The following ENOX2 variants were observed in gnomAD, a reference collection of about 807,000 sequenced individuals.
ENOX2 encodes APK1 antigen.
ENOX2 carries 36 observed loss-of-function variants against 45.0 expected under a neutral mutation model. That is an observed-to-expected ratio of 0.80 (90% CI 0.61 to 1.06). ENOX2 has a LOEUF of 1.06. ENOX2 is among the 50% of genes least tolerant of loss of function. The probability of loss-of-function intolerance (pLI) is 0.00; values close to 1 mark genes in which losing one functional copy is unlikely to be tolerated. For synonymous variants in ENOX2, 174 were observed against 152.3 expected, an observed-to-expected ratio of 1.14 and a Z score of -1.05; for missense variants, 423 against 462.5, an observed-to-expected ratio of 0.91 and a Z score of 0.78.
chrX:130,795,280 A>G (rs192266986), intron 2 of ENOX2, among the ~76,000 whole-genome samples: 119 of 111,994 alleles, frequency 1.1e-3, no homozygotes, highest in African/African-American at 3.7e-3. Context: ...TCCCTGCCTA[A>G]GCTGAAGTCA....
At chrX:130,682,455 G>A (rs766611648) in intron 5 of ENOX2, among the ~76,000 whole-genome samples, 5 of 107,835 alleles carry the variant, frequency 4.6e-5, no homozygotes, top group African/African-American at 6.8e-5. Context: ...ATGGTGGCAC[G>A]TGCCTGTAAT....
At chrX:130,626,896 T>C (rs1231604277) in intron 14 of ENOX2, among the ~76,000 whole-genome samples, 1 of 111,370 alleles carries the variant, frequency 9.0e-6, no homozygotes, top group Non-Finnish European at 1.9e-5. Flanking sequence ...AAATAGGCAG[T>C]ACAATTTATG....
chrX:130,755,168 A>G (rs1244976693), intron 3 of ENOX2, among the ~76,000 whole-genome samples: 2 of 111,636 alleles, frequency 1.8e-5, no homozygotes, highest in Non-Finnish European at 3.8e-5. Flanking sequence ...AAGCCCTAAT[A>G]ATAAGGAAAT....
chrX:130,852,771 G>C (rs1468361148), intron 2 of ENOX2, among the ~76,000 whole-genome samples: 1 of 111,086 alleles, frequency 9.0e-6, no homozygotes, highest in Non-Finnish European at 1.9e-5. Context: ...TGATTGAAGG[G>C]ATGAAAAATG....
intron 10 of ENOX2, among the ~76,000 whole-genome samples, chrX:130,652,517 T>TACTATCTG (rs888552187): frequency 8.9e-6 from 1 of 112,431 alleles, no homozygotes; most frequent in Non-Finnish European, 1.9e-5. Context: ...CTCAATGATC[T>TACTATCTG]ACTATCTGCA....
At chrX:130,857,984 C>G (rs2078340653) in intron 2 of ENOX2, among the ~76,000 whole-genome samples, 1 of 110,952 alleles carries the variant, frequency 9.0e-6, no homozygotes, top group Non-Finnish European at 1.9e-5. Context: ...AATGTTTTTC[C>G]TCCCAGAAAT....
At chrX:130,744,808 G>A (rs773804191) in intron 3 of ENOX2, among the ~76,000 whole-genome samples, 1 of 111,282 alleles carries the variant, frequency 9.0e-6, no homozygotes, top group African/African-American at 3.3e-5. Context: ...GTACCGGTCC[G>A]TGGCCTGTTA....
chrX:130,777,579 AT>A (rs1266788069), intron 3 of ENOX2, among the ~76,000 whole-genome samples: 1 of 111,283 alleles, frequency 9.0e-6, no homozygotes, highest in Non-Finnish European at 1.9e-5. Flanking sequence ...TAGCCTCTAT[AT>A]TACCAACGTA....
intron 3 of ENOX2, among the ~76,000 whole-genome samples, chrX:130,731,152 T>A (rs1178160404): frequency 8.9e-6 from 1 of 111,748 alleles, no homozygotes; most frequent in Non-Finnish European, 1.9e-5. Flanking sequence ...ATGAGCAAGG[T>A]ACTTAATCTC....
chrX:130,867,649 C>T (rs1358990235), intron 2 of ENOX2, among the ~76,000 whole-genome samples: 1 of 111,911 alleles, frequency 8.9e-6, no homozygotes, highest in Non-Finnish European at 1.9e-5. Flanking sequence ...CTCTCAAGCT[C>T]ATGGTGGCAG....
intron 2 of ENOX2, among the ~76,000 whole-genome samples, chrX:130,810,748 G>T (rs932731971): frequency 8.9e-6 from 1 of 112,202 alleles, no homozygotes. Context: ...GCAAACCCAT[G>T]GTCCAGGCCT....
intron 5 of ENOX2, among the ~76,000 whole-genome samples, chrX:130,682,308 C>T (rs1421052118): frequency 9.1e-6 from 1 of 109,865 alleles, no homozygotes; most frequent in Non-Finnish European, 1.9e-5. Context: ...AAGGCTCCAT[C>T]CCCTGGCTAC....
chrX:130,627,731 C>T (rs748086492), intron 14 of ENOX2, among the ~76,000 whole-genome samples: 9 of 111,942 alleles, frequency 8.0e-5, no homozygotes, highest in Non-Finnish European at 1.7e-4. Context: ...GTTTTAACAT[C>T]GAAAATCTCA....
chrX:130,780,992 G>C (rs2039956683), intron 3 of ENOX2, among the ~76,000 whole-genome samples: 1 of 111,458 alleles, frequency 9.0e-6, no homozygotes, highest in Non-Finnish European at 1.9e-5. Context: ...TGATGACAAA[G>C]GAAGAGGGAA....
intron 12 of ENOX2, among the ~76,000 whole-genome samples, chrX:130,631,802 C>G (rs988489057): frequency 2.8e-4 from 31 of 108,988 alleles, no homozygotes; most frequent in Non-Finnish European, 4.8e-4. Context: ...TTTACCTTCA[C>G]CAGTTTTTTT....
rs1381625355 is a variant in ENOX2 at position 130,862,344 on chromosome X, G to A, written c.-183+39340C>T. On this transcript the variant is annotated intron_variant, in intron 2 of 14. Transcript: ENST00000394363. ...TTGAATGCTCTTCCCCCAGATAGCCGCTTTCCTCCAAATTCCTCCAAATAA... is the reference window on the plus strand; with the variant it reads ...TTGAATGCTCTTCCCCCAGATAGCCACTTTCCTCCAAATTCCTCCAAATAA... Among the ~76,000 whole-genome samples the A allele has an allele frequency of 9.0e-5, 10 of 110,924 alleles. No homozygotes were observed. In the Admixed American group the frequency reaches 9.6e-4, roughly 11 times the overall value.
At chrX:130,757,329 G>A in intron 3 of ENOX2, among the ~76,000 whole-genome samples, 1 of 112,213 alleles carries the variant, frequency 8.9e-6, no homozygotes, top group South Asian at 3.8e-4. Context: ...ATAAGGTCAT[G>A]TAGCTAAGGA....
chrX:130,682,415 T>C (rs1351296692), intron 5 of ENOX2, among the ~76,000 whole-genome samples: 2 of 107,031 alleles, frequency 1.9e-5, no homozygotes, highest in Non-Finnish European at 3.8e-5. Context: ...AAACCCCGTC[T>C]CTACTAAAAA....
At chrX:130,818,253 C>T in intron 2 of ENOX2, among the ~76,000 whole-genome samples, 3 of 111,233 alleles carry the variant, frequency 2.7e-5, no homozygotes, top group Non-Finnish European at 5.7e-5. Context: ...TAAGAGAGGA[C>T]ATAAAGAAAT....
Sources: allele counts gnomAD v4.1 joint callset (sites outside exome capture counted in the v4.1 genomes callset), GRCh38; gene constraint gnomAD v4.1.1; transcripts MANE v1.5; gene names NCBI Gene and HGNC (gene_info 2026-07-23, HGNC 2026-07-21).